RAD51B: variants seen among roughly 807,000 people sequenced by gnomAD.
The protein encoded by RAD51B is DNA repair protein RAD51 homolog 2.
A neutral mutation model predicts 42.2 loss-of-function variants in RAD51B; 38 were observed. That is an observed-to-expected ratio of 0.90 (90% CI 0.70 to 1.18). The LOEUF (loss-of-function observed/expected upper bound fraction) is 1.18, where lower values mean the gene tolerates loss of function less well. Ranked by LOEUF, RAD51B falls within the 50% of genes most tolerant of loss-of-function variation. The pLI is 0.00. For synonymous variants in RAD51B, 154 were observed against 145.2 expected, an observed-to-expected ratio of 1.06 and a Z score of -0.43; for missense variants, 373 against 400.7, an observed-to-expected ratio of 0.93 and a Z score of 0.59.
intron 7 of RAD51B, among the ~76,000 whole-genome samples, chr14:68,202,396 A>T (rs1283890296): frequency 6.6e-6 from 1 of 152,146 alleles, no homozygotes; most frequent in East Asian, 1.9e-4. Context: ...CTTAACCCAT[A>T]GTAGAACTTT....
At chr14:68,276,867 G>A (rs2081235241) in intron 7 of RAD51B, among the ~76,000 whole-genome samples, 1 of 151,774 alleles carries the variant, frequency 6.6e-6, no homozygotes, top group South Asian at 2.1e-4. Flanking sequence ...GTGGTGGATG[G>A]CACAGGGATG....
At chr14:68,156,455 T>TTTTCTC (rs2078508332) in intron 7 of RAD51B, among the ~76,000 whole-genome samples, 1 of 114,266 alleles carries the variant, frequency 8.8e-6, no homozygotes, top group Non-Finnish European at 1.7e-5. Context: ...CTTAGAAAAT[T>TTTTCTC]TCTCTCTCTC....
intron 8 of RAD51B, among the ~76,000 whole-genome samples, chr14:68,327,378 TG>T (rs67043852): frequency 0.54 from 76,616 of 141,042 alleles, 21,665 homozygotes; most frequent in South Asian, 0.65. Context: ...TGTTTTTTTT[TG>T]TTGTTTTTTT....
chr14:68,185,662 C>A (rs1048380919), intron 7 of RAD51B, among the ~76,000 whole-genome samples: 2 of 150,746 alleles, frequency 1.3e-5, no homozygotes, highest in African/African-American at 4.9e-5. Context: ...ACAATTTTTC[C>A]GTGGATGGGG....
downstream of RAD51B, among the ~76,000 whole-genome samples, chr14:68,612,243 G>A (rs80152452): frequency 9.1e-4 from 139 of 152,340 alleles, no homozygotes; most frequent in African/African-American, 3.2e-3. Context: ...TGGGGCCCAG[G>A]AGACAGACTG....
intron 8 of RAD51B, among the ~76,000 whole-genome samples, chr14:68,348,796 G>A (rs35243852): frequency 0.83 from 126,641 of 151,900 alleles, 53,030 homozygotes; most frequent in East Asian, 0.99. Flanking sequence ...CTGCTCAGGA[G>A]GCTGAGGCAG....
chr14:67,917,708 A>G (rs142515808), intron 7 of RAD51B, among the ~76,000 whole-genome samples: 2 of 152,342 alleles, frequency 1.3e-5, no homozygotes, highest in African/African-American at 4.8e-5. Flanking sequence ...ATGAAACAAA[A>G]AGGAGTCTAT....
chr14:67,988,517 A>C lies in RAD51B; in HGVS notation c.756+101313A>C, dbSNP rs185414526. Among the ~76,000 whole-genome samples, 279 of 152,224 alleles carry C rather than the reference A, an allele frequency of 1.8e-3. 1 individual carries two copies. Among genetic ancestry groups the C allele is most frequent in the Admixed American group, 3.5e-3 (54 of 15,284 alleles). On this transcript the variant is annotated intron_variant, in intron 7 of 10. Transcript: ENST00000471583. ...TAATAAAAAAGAAATGAAAAACAAC[A>C]TCTTGTCTATTTTTTCCAGGATCAG... is the stretch of plus-strand genomic sequence containing the variant.
chr14:68,562,570 G>A, intron 10 of RAD51B: 1 of 985,420 alleles, frequency 1.0e-6, no homozygotes, highest in Non-Finnish European at 1.2e-6. Context: ...CTCCTTTTGT[G>A]TACTGTGCAG....
intron 7 of RAD51B, among the ~76,000 whole-genome samples, chr14:68,240,910 A>G (rs1046666645): frequency 2.6e-5 from 4 of 152,220 alleles, no homozygotes; most frequent in African/African-American, 9.6e-5. Flanking sequence ...TACCTACATT[A>G]TCTTATTAAG....
At chr14:67,987,894 A>G (rs1354081114) in intron 7 of RAD51B, among the ~76,000 whole-genome samples, 1 of 152,224 alleles carries the variant, frequency 6.6e-6, no homozygotes, top group Non-Finnish European at 1.5e-5. Context: ...GCCAAAGTTT[A>G]GAGGAATAAA....
rs1384268980 is a variant in RAD51B at position 68,252,408 on chromosome 14, C to A, written c.757-39476C>A. Reference sequence around the variant, plus strand: ...TTTTGAATTGACATTTAAATATGGTCCTAGCTTATATTCTGGAGATTCAAT... The same window carrying A: ...TTTTGAATTGACATTTAAATATGGTACTAGCTTATATTCTGGAGATTCAAT... On this transcript the variant is annotated intron_variant, in intron 7 of 10. Coordinates refer to ENST00000471583, the MANE Select transcript of RAD51B (RefSeq NM_133510.4). Among the ~76,000 whole-genome samples the A allele has an allele frequency of 2.0e-5, 3 of 152,092 alleles. No homozygotes were observed. In the East Asian group the frequency reaches 5.8e-4, roughly 29 times the overall value.
chr14:68,057,201 A>G (rs1227129015), intron 7 of RAD51B, among the ~76,000 whole-genome samples: 1 of 152,146 alleles, frequency 6.6e-6, no homozygotes, highest in African/African-American at 2.4e-5. Context: ...TTCCTATTTT[A>G]TGGCAAACGA....
chr14:68,168,259 T>C (rs889023673), intron 7 of RAD51B, among the ~76,000 whole-genome samples: 1 of 152,164 alleles, frequency 6.6e-6, no homozygotes, highest in Non-Finnish European at 1.5e-5. Context: ...AGGACAGTAG[T>C]ACAAAGCAAA....
At chr14:68,101,759 CTCA>C (rs141347448) in intron 7 of RAD51B, among the ~76,000 whole-genome samples, 1,987 of 152,292 alleles carry the variant, frequency 0.013, 46 homozygotes, top group African/African-American at 0.046. Flanking sequence ...ATCTGCCTTT[CTCA>C]GGTCTGGAGG....
At chr14:67,846,969 G>C (rs116971137) in intron 4 of RAD51B, among the ~76,000 whole-genome samples, 2 of 152,268 alleles carry the variant, frequency 1.3e-5, no homozygotes, top group Admixed American at 1.3e-4. Flanking sequence ...CCCTGGGGTC[G>C]TGGGGTCTCC....
chr14:68,065,143 T>C (rs1013546934), intron 7 of RAD51B, among the ~76,000 whole-genome samples: 5 of 152,174 alleles, frequency 3.3e-5, no homozygotes, highest in African/African-American at 1.2e-4. Flanking sequence ...AGATGTGTTT[T>C]AGGGTCTCAG....
At chr14:67,942,727 T>C (rs970422020) in intron 7 of RAD51B, among the ~76,000 whole-genome samples, 6 of 152,172 alleles carry the variant, frequency 3.9e-5, no homozygotes, top group Non-Finnish European at 7.4e-5. Context: ...GAGTCTATAG[T>C]TTCATGAAAG....
chr14:68,051,374 T>C (rs560665295), intron 7 of RAD51B, among the ~76,000 whole-genome samples: 4 of 152,178 alleles, frequency 2.6e-5, no homozygotes, highest in Non-Finnish European at 5.9e-5. Flanking sequence ...ACTAGTCTAC[T>C]TTTGAAATTT....
Sources: allele counts gnomAD v4.1 joint callset (sites outside exome capture counted in the v4.1 genomes callset), GRCh38; gene constraint gnomAD v4.1.1; transcripts MANE v1.5; gene names NCBI Gene and HGNC (gene_info 2026-07-23, HGNC 2026-07-21).